Variants in SPRED1 observed in about 807,000 individuals in gnomAD.
SPRED1 encodes sprouty related EVH1 domain containing 1, also known as sprouty-related, EVH1 domain-containing protein 1.
A neutral mutation model predicts 52.3 loss-of-function variants in SPRED1; 18 were observed. That is an observed-to-expected ratio of 0.34 (90% CI 0.24 to 0.51). The LOEUF is 0.51. Among genes scored for constraint, SPRED1 ranks in the 20% least tolerant of loss-of-function variants. SPRED1 has a pLI of 0.97. For missense variants in SPRED1, 485 were observed against 551.0 expected (o/e 0.88, Z 1.20); for synonymous variants, 155 against 179.7 (o/e 0.86, Z 1.10).
At chr15:38,286,980 A>G (rs1011497012) in intron 1 of SPRED1, among the ~76,000 whole-genome samples, 5 of 152,086 alleles carry the variant, frequency 3.3e-5, no homozygotes, top group Non-Finnish European at 5.9e-5. Flanking sequence ...CTACAATCCT[A>G]TTTAGATGGT....
chr15:38,351,236 A>G lies in SPRED1; in HGVS notation c.907A>G (p.Ser303Gly). 1 of 1,614,138 alleles carries G rather than the reference A, an allele frequency of 6.2e-7. No homozygotes were observed. Among genetic ancestry groups the G allele is most frequent in the Non-Finnish European group, 8.5e-7 (1 of 1,180,028 alleles). The change falls in exon 7 of 7, where the codon AGT becomes GGT. Residue 303 changes from serine to glycine, a missense_variant. Ser to Gly is a moderately conservative substitution (Grantham distance 56). Transcript: ENST00000299084. ...LYSCGDETKL[S>G]SPKDSVVFKT... The stretch of plus-strand genomic sequence containing the variant: ...CTCTTGTGGGGATGAGACTAAGTTA[A>G]GTTCACCCAAAGACTCTGTGGTATT...
intron 4 of SPRED1, among the ~76,000 whole-genome samples, chr15:38,337,019 T>C (rs914710403): frequency 2.0e-5 from 3 of 152,230 alleles, no homozygotes; most frequent in Non-Finnish European, 4.4e-5. Context: ...GTACTCTTTT[T>C]TTCTTTGCTA....
chr15:38,309,174 A>G lies in SPRED1; in HGVS notation c.207+9627A>G, dbSNP rs1895311831. ...TGGATTGTTTGAGGGGTTTTCTTGT[A>G]GATAGCGTCTTCTTCTAGTGCAGTG... On this transcript the variant is annotated intron_variant, in intron 2 of 6. Coordinates refer to ENST00000299084, the MANE Select transcript of SPRED1 (RefSeq NM_152594.3). Among the ~76,000 whole-genome samples, 2 of 152,034 alleles carry G rather than the reference A, an allele frequency of 1.3e-5. 1 individual carries two copies. Among genetic ancestry groups the G allele is most frequent in the Admixed American group, 1.3e-4 (2 of 15,252 alleles).
intron 5 of SPRED1, among the ~76,000 whole-genome samples, chr15:38,348,442 G>A (rs537746749): frequency 2.7e-5 from 4 of 148,592 alleles, no homozygotes; most frequent in Admixed American, 2.7e-4. Context: ...GTGTGTGTCT[G>A]TGTGTGTAAA....
At chr15:38,276,302 T>TATCCATTA (rs1894551983) in intron 1 of SPRED1, among the ~76,000 whole-genome samples, 1 of 151,942 alleles carries the variant, frequency 6.6e-6, no homozygotes, top group Admixed American at 6.6e-5. Context: ...ATTATGTCAT[T>TATCCATTA]ATCCATTAAT....
chr15:38,287,094 C>T (rs1198896286), intron 1 of SPRED1, among the ~76,000 whole-genome samples: 1 of 152,114 alleles, frequency 6.6e-6, no homozygotes, highest in East Asian at 1.9e-4. Flanking sequence ...AATTGCATTA[C>T]CTCCTTAATT....
chr15:38,355,076 C>T lies in SPRED1; in HGVS notation c.*3412C>T, dbSNP rs893854261. On this transcript the variant is annotated 3_prime_UTR_variant, in exon 7 of 7. Transcript: ENST00000299084. ...GTTCAAGCGATTCTCCTGCCTCAGC[C>T]TCCCAAGTAGCTGGGATTACAGGCA... 7 of 152,376 alleles carry T rather than the reference C, an allele frequency of 4.6e-5. No homozygotes were observed. The highest frequency in any genetic ancestry group is 1.7e-4 in the African/African-American group (7 of 41,442). 9.4% of individuals were successfully genotyped at this position (152,376 alleles called of 1,614,324 possible).
intron 5 of SPRED1, among the ~76,000 whole-genome samples, chr15:38,345,207 A>G (rs770669050): frequency 1.3e-5 from 2 of 152,206 alleles, no homozygotes; most frequent in African/African-American, 2.4e-5. Context: ...GATTCAAATA[A>G]TTGAGTTTAA....
At chr15:38,276,595 A>G (rs1283395525) in intron 1 of SPRED1, among the ~76,000 whole-genome samples, 1 of 152,160 alleles carries the variant, frequency 6.6e-6, no homozygotes, top group Admixed American at 6.5e-5. Context: ...AACAGACTTA[A>G]ATTGACTCAC....
At chr15:38,329,800 G>T (rs1406410019) in intron 4 of SPRED1, among the ~76,000 whole-genome samples, 1 of 151,996 alleles carries the variant, frequency 6.6e-6, no homozygotes, top group East Asian at 1.9e-4. Flanking sequence ...GTATACAAAT[G>T]CATACTTCCT....
chr15:38,302,334 A>G (rs1303058434), intron 2 of SPRED1, among the ~76,000 whole-genome samples: 2 of 152,180 alleles, frequency 1.3e-5, no homozygotes, highest in African/African-American at 2.4e-5. Context: ...GGTACTAAAA[A>G]TAAGTCTTGT....
rs147547509 is a variant in SPRED1, at chr15:38,352,241, G to GATATATATAT, written c.*586_*595dup. 3.4e-5 allele frequency: 5 copies of GATATATATAT among 148,580 alleles called. No individual in the cohort carries two copies. Among genetic ancestry groups the GATATATATAT allele is most frequent in the African/African-American group, 7.4e-5 (3 of 40,314 alleles). 9.2% of individuals were successfully genotyped at this position (148,580 alleles called of 1,614,324 possible). A position where few individuals can be genotyped will look rare whatever the true frequency, so the allele number is the denominator to read the frequency against. On this transcript the variant is annotated 3_prime_UTR_variant, in exon 7 of 7. Transcript: ENST00000299084. ...TCTTCCCCTTCCTAGTTCTGAAGTA[G>GATATATATAT]ATATATATATATATATATCTACTGT...
chr15:38,330,397 G>A (rs574308689), intron 4 of SPRED1, among the ~76,000 whole-genome samples: 1 of 152,242 alleles, frequency 6.6e-6, no homozygotes, highest in African/African-American at 2.4e-5. Flanking sequence ...TCAGGGGCTG[G>A]TTTATTCTTA....
chr15:38,354,631 G>A lies in SPRED1; in HGVS notation c.*2967G>A, dbSNP rs1197327526. On this transcript the variant is annotated 3_prime_UTR_variant, in exon 7 of 7. Coordinates refer to ENST00000299084, the MANE Select transcript of SPRED1 (RefSeq NM_152594.3). ...TGACCACCTCTACCAGGGAAACCAG[G>A]AATAAGAACTGTCTCAAAGGAATTG... 6.6e-6 allele frequency: 1 copy of A among 152,148 alleles called. No homozygotes were observed. The allele number at this position is 152,148 out of a possible 1,614,324, so 9.4% of individuals were successfully genotyped here.
chr15:38,333,875 A>G (rs188088274), intron 4 of SPRED1, among the ~76,000 whole-genome samples: 16 of 152,268 alleles, frequency 1.1e-4, no homozygotes, highest in Non-Finnish European at 2.2e-4. Context: ...TAGATTAATA[A>G]ATTGTAGTGT....
intron 1 of SPRED1, among the ~76,000 whole-genome samples, chr15:38,279,086 A>C (rs1894629006): frequency 6.6e-6 from 1 of 152,060 alleles, no homozygotes; most frequent in Non-Finnish European, 1.5e-5. Context: ...TAGGCCTCCC[A>C]AAGTGTTGGG....
intron 1 of SPRED1, among the ~76,000 whole-genome samples, chr15:38,268,780 C>T (rs1414102449): frequency 2.0e-5 from 3 of 152,092 alleles, no homozygotes; most frequent in Non-Finnish European, 2.9e-5. Context: ...GTCTCTTAAC[C>T]TTGTTTTCTA....
chr15:38,342,509 A>T (rs1566873908), intron 5 of SPRED1, among the ~76,000 whole-genome samples: 1 of 152,066 alleles, frequency 6.6e-6, no homozygotes, highest in African/African-American at 2.4e-5. Context: ...TATGTATTAT[A>T]CTTCCATCTA....
At chr15:38,263,764 C>T (rs1894249785) in intron 1 of SPRED1, among the ~76,000 whole-genome samples, 1 of 152,060 alleles carries the variant, frequency 6.6e-6, no homozygotes, top group South Asian at 2.1e-4. Context: ...GAAGAATTGT[C>T]TTGGGCCACC....
Sources: allele counts gnomAD v4.1 joint callset (sites outside exome capture counted in the v4.1 genomes callset), GRCh38; gene constraint gnomAD v4.1.1; transcripts MANE v1.5; gene names NCBI Gene and HGNC (gene_info 2026-07-23, HGNC 2026-07-21).